NFKB1: variants seen among roughly 807,000 people sequenced by gnomAD.
The protein encoded by NFKB1 is nuclear factor kappa B subunit 1, also known as nuclear factor NF-kappa-B p105 subunit.
Under a neutral mutation model 105.1 loss-of-function variants are expected in NFKB1, and 9 were observed. The observed-to-expected ratio is 0.09, with a 90% CI of 0.05 to 0.15. The LOEUF is 0.15. Ranked by LOEUF, NFKB1 falls within the 10% of genes least tolerant of loss-of-function variation. The pLI is 1.00. For synonymous variants in NFKB1, 440 were observed against 442.2 expected (o/e 1.00, Z 0.06); for missense variants, 830 against 1,203.7 (o/e 0.69, Z 4.59).
intron 7 of NFKB1, chr4:102,578,168 GA>G (rs1278427148): frequency 5.8e-6 from 1 of 171,928 alleles, no homozygotes; most frequent in Non-Finnish European, 1.2e-5. Context: ...TCTCTTATAT[GA>G]ATGTGTTCAA....
intron 1 of NFKB1, among the ~76,000 whole-genome samples, chr4:102,509,479 A>T (rs910786268): frequency 6.6e-6 from 1 of 152,144 alleles, no homozygotes; most frequent in Non-Finnish European, 1.5e-5. Flanking sequence ...TTTTGGAGTA[A>T]TTGTGCTATA....
intron 6 of NFKB1, among the ~76,000 whole-genome samples, chr4:102,571,215 C>G (rs371041215): frequency 3.9e-5 from 6 of 152,176 alleles, no homozygotes; most frequent in Non-Finnish European, 7.4e-5. Context: ...ACAAACCTGA[C>G]AAAAACAAGA....
At chr4:102,602,200 A>T (rs892138523) in intron 16 of NFKB1, among the ~76,000 whole-genome samples, 1 of 152,138 alleles carries the variant, frequency 6.6e-6, no homozygotes, top group Non-Finnish European at 1.5e-5. Flanking sequence ...AAAGGAAATT[A>T]AAATATCTAT....
In NFKB1 at chr4:102,597,676, T is replaced by C; in HGVS notation, c.1637+15T>C. On this transcript the variant is annotated intron_variant, in intron 15 of 23. Coordinates refer to ENST00000226574, the MANE Select transcript of NFKB1 (RefSeq NM_003998.4). ...AATGGGGACAGGTAAGTCAGAACTT[T>C]TGCATGATAGGTTGTCCTGGGTGGG... is the stretch of plus-strand genomic sequence containing the variant. 1.9e-6 allele frequency: 3 copies of C among 1,604,742 alleles called. No homozygotes were observed. The highest frequency in any genetic ancestry group is 2.6e-6 in the Non-Finnish European group (3 of 1,173,778).
In NFKB1 at chr4:102,612,544, A is replaced by T. The variant is rs1427457307; in HGVS notation, c.2530A>T (p.Ile844Leu). 1.9e-6 allele frequency: 3 copies of T among 1,613,952 alleles called. No individual in the cohort carries two copies. The highest frequency in any genetic ancestry group is 1.7e-5 in the Admixed American group (1 of 60,010). Residue 844 changes from isoleucine to leucine, a missense_variant, in exon 22 of 24, where the codon ATA becomes TTA. Ile to Leu is a conservative substitution (Grantham distance 5). Around this residue, in one of 8 missense-constraint regions of NFKB1, gnomAD observed 418 missense variants for 575.3 expected, o/e 0.73. Coordinates refer to ENST00000226574, the MANE Select transcript of NFKB1 (RefSeq NM_003998.4). Reference sequence around the variant, plus strand: ...TCTGGCGCAGAAATTAGGTCTGGGGATACTTAATAATGCCTTCCGGCTGAG... The same window carrying T: ...TCTGGCGCAGAAATTAGGTCTGGGGTTACTTAATAATGCCTTCCGGCTGAG... Reference protein sequence around the residue: ...ATLAQKLGLGILNNAFRLSPA... With the variant: ...ATLAQKLGLGLLNNAFRLSPA...
intron 5 of NFKB1, among the ~76,000 whole-genome samples, chr4:102,546,000 C>T (rs1722112056): frequency 1.3e-5 from 2 of 152,082 alleles, no homozygotes; most frequent in Admixed American, 6.6e-5. Context: ...CGCCTATAAT[C>T]CCAACACTTT....
chr4:102,560,589 C>G (rs1031043348), intron 5 of NFKB1, among the ~76,000 whole-genome samples: 1 of 152,020 alleles, frequency 6.6e-6, no homozygotes, highest in Non-Finnish European at 1.5e-5. Flanking sequence ...AAAAAACATG[C>G]CATTAATAGT....
At chr4:102,607,895 C>G in intron 19 of NFKB1, 144 bp downstream of exon 19, 2 of 704,184 alleles carry the variant, frequency 2.8e-6, no homozygotes, top group Non-Finnish European at 5.0e-6. Flanking sequence ...TGGCAAATCA[C>G]ATTTTATCTG....
At chr4:102,546,235 A>G (rs1722130063) in intron 5 of NFKB1, among the ~76,000 whole-genome samples, 1 of 152,174 alleles carries the variant, frequency 6.6e-6, no homozygotes, top group Non-Finnish European at 1.5e-5. Context: ...CATGACTTAA[A>G]GAAGATTGGT....
At chr4:102,550,408 T>G (rs566987045) in intron 5 of NFKB1, among the ~76,000 whole-genome samples, 9 of 152,316 alleles carry the variant, frequency 5.9e-5, no homozygotes, top group African/African-American at 2.2e-4. Context: ...GCTACAAAAT[T>G]GATTATTTTA....
intron 5 of NFKB1, among the ~76,000 whole-genome samples, chr4:102,538,898 G>C (rs1268056387): frequency 6.6e-6 from 1 of 152,192 alleles, no homozygotes; most frequent in Admixed American, 6.5e-5. Flanking sequence ...GTTTGTTTTT[G>C]TAAGTAGATG....
chr4:102,614,156 G>A (rs1245553951), intron 23 of NFKB1, among the ~76,000 whole-genome samples: 1 of 152,054 alleles, frequency 6.6e-6, no homozygotes, highest in Admixed American at 6.5e-5. Flanking sequence ...TTCACACTCT[G>A]TTGAAAACAG....
chr4:102,550,756 A>G (rs1017054930), intron 5 of NFKB1, among the ~76,000 whole-genome samples: 2 of 152,208 alleles, frequency 1.3e-5, no homozygotes, highest in Non-Finnish European at 2.9e-5. Flanking sequence ...CAGTCAGAGT[A>G]ATGTGTACAA....
At position 102,581,245 on chromosome 4, in the gene NFKB1, T is replaced by G. The variant is rs564207208; in HGVS notation, c.835+606T>G. Among the ~76,000 whole-genome samples the G allele has an allele frequency of 2.2e-4, 34 of 152,348 alleles. No individual in the cohort carries two copies. The South Asian group carries it at 7.0e-3, about 32-fold the overall frequency. Reference sequence around the variant, plus strand: ...TTAGTAAAAGCTGAGGAAAATGTGTTATTTTCTCAAACTGCATTCTTTTTT... The same window carrying G: ...TTAGTAAAAGCTGAGGAAAATGTGTGATTTTCTCAAACTGCATTCTTTTTT... On this transcript the variant is annotated intron_variant, in intron 9 of 23. Transcript: ENST00000226574.
intron 6 of NFKB1, among the ~76,000 whole-genome samples, chr4:102,568,867 C>T (rs926649326): frequency 2.6e-5 from 4 of 152,120 alleles, no homozygotes; most frequent in African/African-American, 9.7e-5. Context: ...GTCATTCACT[C>T]ATTCAACAAA....
At chr4:102,609,436 A>AC (rs1728179762) in intron 19 of NFKB1, among the ~76,000 whole-genome samples, 1 of 151,694 alleles carries the variant, frequency 6.6e-6, no homozygotes, top group Non-Finnish European at 1.5e-5. Flanking sequence ...ACATGACGAA[A>AC]CCCCATCTCT....
chr4:102,541,694 A>G (rs1173658850), intron 5 of NFKB1, among the ~76,000 whole-genome samples: 1 of 152,158 alleles, frequency 6.6e-6, no homozygotes, highest in East Asian at 1.9e-4. Context: ...TCCAGAAGCC[A>G]TTCCCACAGG....
intron 5 of NFKB1, among the ~76,000 whole-genome samples, chr4:102,539,082 C>T (rs1741825662): frequency 6.6e-6 from 1 of 151,830 alleles, no homozygotes; most frequent in Admixed American, 6.6e-5. Flanking sequence ...ACTAAAAATA[C>T]AAAAATTAGC....
At chr4:102,522,957 C>G (rs1740663025) in intron 1 of NFKB1, among the ~76,000 whole-genome samples, 1 of 152,094 alleles carries the variant, frequency 6.6e-6, no homozygotes, top group Non-Finnish European at 1.5e-5. Flanking sequence ...GATATATACT[C>G]ATAAATACGT....
Sources: allele counts gnomAD v4.1 joint callset (sites outside exome capture counted in the v4.1 genomes callset), GRCh38; gene constraint gnomAD v4.1.1; regional missense constraint gnomAD v4.1.1; transcripts MANE v1.5; gene names NCBI Gene and HGNC (gene_info 2026-07-23, HGNC 2026-07-21).